Variants in SPHKAP observed in about 807,000 individuals in gnomAD.
SPHKAP encodes SPHK1 interactor, AKAP domain containing, also known as A-kinase anchor protein SPHKAP.
In SPHKAP, 67 loss-of-function variants were observed where a neutral mutation model predicts 137.5. That is an observed-to-expected ratio of 0.49 (90% CI 0.40 to 0.60). The LOEUF (loss-of-function observed/expected upper bound fraction) is 0.60. Ranked by LOEUF, SPHKAP falls within the 20% of genes least tolerant of loss-of-function variation. The probability of loss-of-function intolerance (pLI) is 0.00; values close to 1 mark genes in which losing one functional copy is unlikely to be tolerated. For missense variants in SPHKAP, 2,097 were observed against 2,069.3 expected (o/e 1.01, Z -0.26); for synonymous variants, 813 against 785.3 (o/e 1.04, Z -0.59).
At chr2:228,080,325 A>C (rs1697322140) in intron 3 of SPHKAP, among the ~76,000 whole-genome samples, 1 of 152,246 alleles carries the variant, frequency 6.6e-6, no homozygotes, top group Non-Finnish European at 1.5e-5. Flanking sequence ...ATATAAATAG[A>C]CATTTGTCAA....
At chr2:228,176,091 GCA>G (rs1700730447) in intron 1 of SPHKAP, among the ~76,000 whole-genome samples, 1 of 152,192 alleles carries the variant, frequency 6.6e-6, no homozygotes, top group African/African-American at 2.4e-5. Flanking sequence ...TGAAAATAAA[GCA>G]CAGAGTAGGT....
At chr2:228,166,436 A>C (rs1403601428) in intron 1 of SPHKAP, among the ~76,000 whole-genome samples, 1 of 152,162 alleles carries the variant, frequency 6.6e-6, no homozygotes, top group Non-Finnish European at 1.5e-5. Flanking sequence ...TTATGCGCCC[A>C]CACATAATGA....
At chr2:228,058,907 A>G (rs1696541642) in intron 3 of SPHKAP, among the ~76,000 whole-genome samples, 1 of 152,212 alleles carries the variant, frequency 6.6e-6, no homozygotes, top group Non-Finnish European at 1.5e-5. Context: ...GAACAATACT[A>G]ACTCTCCCAA....
intron 2 of SPHKAP, among the ~76,000 whole-genome samples, chr2:228,127,488 A>G (rs1017575551): frequency 2.2e-4 from 33 of 152,292 alleles, no homozygotes; most frequent in African/African-American, 7.5e-4. Context: ...TTTTAAATGC[A>G]ATTATTATGT....
At chr2:228,030,190 T>A (rs1055173331) in intron 3 of SPHKAP, among the ~76,000 whole-genome samples, 1 of 152,126 alleles carries the variant, frequency 6.6e-6, no homozygotes, top group Non-Finnish European at 1.5e-5. Flanking sequence ...TAAGGCCTGA[T>A]GTGCATGCAA....
chr2:228,169,917 A>G (rs2106426286), intron 1 of SPHKAP: 1 of 152,130 alleles, frequency 6.6e-6, no homozygotes, highest in Non-Finnish European at 1.5e-5. Flanking sequence ...ATCTGGGCAA[A>G]GTAAATTAAA....
chr2:228,131,578 T>C (rs1027872461), intron 2 of SPHKAP, among the ~76,000 whole-genome samples: 4 of 152,134 alleles, frequency 2.6e-5, no homozygotes, highest in African/African-American at 9.7e-5. Flanking sequence ...CCCTTTGTTT[T>C]ATGGAAATAT....
intron 2 of SPHKAP, among the ~76,000 whole-genome samples, chr2:228,129,530 T>C (rs1206098140): frequency 1.3e-5 from 2 of 152,162 alleles, no homozygotes; most frequent in African/African-American, 4.8e-5. Flanking sequence ...GTTTTGAATG[T>C]ATTTAGGTCG....
intron 3 of SPHKAP, among the ~76,000 whole-genome samples, chr2:228,080,680 T>C (rs1316348560): frequency 7.0e-6 from 1 of 142,470 alleles, no homozygotes; most frequent in Non-Finnish European, 1.5e-5. Context: ...GCACTCCAGC[T>C]TGGCCAAAAA....
chr2:227,993,373 G>A (rs1006078215), intron 9 of SPHKAP, among the ~76,000 whole-genome samples, 161 bp downstream of exon 9: 1 of 152,124 alleles, frequency 6.6e-6, no homozygotes, highest in African/African-American at 2.4e-5. Context: ...TGGTAGGGCA[G>A]GGCCTATTCT....
chr2:228,027,211 GA>G (rs768911127), intron 4 of SPHKAP, among the ~76,000 whole-genome samples: 18 of 152,282 alleles, frequency 1.2e-4, no homozygotes, highest in Admixed American at 2.0e-4. Context: ...AAAATTCTTA[GA>G]AAAGTCATCT....
chr2:228,175,529 A>G (rs1700714249), intron 1 of SPHKAP, among the ~76,000 whole-genome samples: 1 of 152,170 alleles, frequency 6.6e-6, no homozygotes, highest in Non-Finnish European at 1.5e-5. Context: ...GCAACCACAC[A>G]CTTTTAAACA....
At chr2:228,180,693 G>A (rs534110526) in intron 1 of SPHKAP, among the ~76,000 whole-genome samples, 5 of 152,314 alleles carry the variant, frequency 3.3e-5, no homozygotes, top group Non-Finnish European at 1.5e-5. Flanking sequence ...CCCAGCGAGC[G>A]CAAAGAGCGC....
intron 3 of SPHKAP, among the ~76,000 whole-genome samples, chr2:228,042,272 G>A (rs11683009): frequency 6.6e-6 from 1 of 152,088 alleles, no homozygotes; most frequent in Admixed American, 6.6e-5. Context: ...ATGTTCCTGC[G>A]CTCTGAACCA....
At chr2:228,144,585 A>G (rs562598979) in intron 1 of SPHKAP, among the ~76,000 whole-genome samples, 2 of 151,922 alleles carry the variant, frequency 1.3e-5, no homozygotes, top group Non-Finnish European at 2.9e-5. Flanking sequence ...CTATTTTGTG[A>G]CTAGACAAAG....
At chr2:228,045,105 C>T (rs551366901) in intron 3 of SPHKAP, among the ~76,000 whole-genome samples, 1 of 151,760 alleles carries the variant, frequency 6.6e-6, no homozygotes, top group African/African-American at 2.4e-5. Context: ...ACAACAGGTG[C>T]TGGAGAGGAT....
chr2:228,010,424 C>G (rs184417514), intron 7 of SPHKAP, among the ~76,000 whole-genome samples: 1 of 152,052 alleles, frequency 6.6e-6, no homozygotes, highest in Non-Finnish European at 1.5e-5. Context: ...CCCAGCTACT[C>G]GGGAGGCTGA....
At chr2:228,063,493 C>T (rs1002066246) in intron 3 of SPHKAP, among the ~76,000 whole-genome samples, 1 of 152,160 alleles carries the variant, frequency 6.6e-6, no homozygotes, top group African/African-American at 2.4e-5. Context: ...CTACATTTTG[C>T]AACAATGTAG....
chr2:228,029,607 T>C (rs1227089646), intron 3 of SPHKAP, among the ~76,000 whole-genome samples: 1 of 152,044 alleles, frequency 6.6e-6, no homozygotes, highest in East Asian at 1.9e-4. Context: ...GTTAATAAGA[T>C]GGAAAAATAG....
Sources: allele counts gnomAD v4.1 joint callset (sites outside exome capture counted in the v4.1 genomes callset), GRCh38; gene constraint gnomAD v4.1.1; transcripts MANE v1.5; gene names NCBI Gene and HGNC (gene_info 2026-07-23, HGNC 2026-07-21).